The following PLOD1 variants were observed in gnomAD, a reference collection of about 807,000 sequenced individuals.
The protein encoded by PLOD1 is lysine hydroxylase.
PLOD1 carries 70 observed loss-of-function variants against 94.7 expected under a neutral mutation model. The ratio of observed to expected loss-of-function variants is 0.74; its 90% CI spans 0.61 to 0.90. PLOD1 has a LOEUF of 0.90. Ranked by LOEUF, PLOD1 falls within the 40% of genes least tolerant of loss-of-function variation. PLOD1 has a pLI of 0.00. For synonymous variants in PLOD1, 417 were observed against 400.2 expected (o/e 1.04, Z -0.50); for missense variants, 905 against 972.7 (o/e 0.93, Z 0.93).
At chr1:11,946,745 T>A (rs6697996) in intron 1 of PLOD1, among the ~76,000 whole-genome samples, 24 of 152,188 alleles carry the variant, frequency 1.6e-4, no homozygotes, top group African/African-American at 1.9e-4. Flanking sequence ...ACATGCTTCA[T>A]GACATGTTGG....
At chr1:11,934,994 G>T in intron 1 of PLOD1, 139 bp downstream of exon 1, 2 of 1,116,058 alleles carry the variant, frequency 1.8e-6, no homozygotes, top group South Asian at 1.6e-5. Flanking sequence ...CCACTTAATC[G>T]CTGGTGACTT....
chr1:11,936,633 G>A (rs973299368), intron 1 of PLOD1, among the ~76,000 whole-genome samples: 8 of 150,202 alleles, frequency 5.3e-5, no homozygotes, highest in African/African-American at 1.5e-4. Context: ...AGCAATTCTC[G>A]TGCGTCAGCC....
At chr1:11,935,917 C>T (rs145143692) in intron 1 of PLOD1, among the ~76,000 whole-genome samples, 30 of 151,940 alleles carry the variant, frequency 2.0e-4, no homozygotes, top group African/African-American at 7.2e-4. Flanking sequence ...GCCATCGCGC[C>T]CGGCCGGTTC....
chr1:11,951,773 G>A (rs1645704375), intron 4 of PLOD1, among the ~76,000 whole-genome samples: 1 of 151,414 alleles, frequency 6.6e-6, no homozygotes, highest in Admixed American at 6.6e-5. Flanking sequence ...CAAAAAATTA[G>A]CCAGGTGTGG....
chr1:11,963,745 T>A lies in PLOD1; in HGVS notation c.1202+109T>A. 2 of 723,594 alleles carry A rather than the reference T, an allele frequency of 2.8e-6. No individual in the cohort carries two copies. The highest frequency in any genetic ancestry group is 5.0e-6 in the Non-Finnish European group (2 of 398,454). The allele number at this position is 723,594 out of a possible 1,614,324, so 44.8% of individuals were successfully genotyped here. A position where few individuals can be genotyped will look rare whatever the true frequency, so the allele number is the denominator to read the frequency against. On this transcript the variant is annotated intron_variant, in intron 11 of 18. Coordinates refer to ENST00000196061, the MANE Select transcript of PLOD1 (RefSeq NM_000302.4). This position sits in a 1 kb window ranked among gnomAD's most constrained non-coding sequence, Gnocchi z 4.3. ...CTCCTCATCCACCTCCTCTTCCTCC[T>A]CTTTTTCCTTCTCCTGCTCCTCTTT...
chr1:11,961,443 A>G (rs1645777388), intron 10 of PLOD1, among the ~76,000 whole-genome samples: 1 of 152,210 alleles, frequency 6.6e-6, no homozygotes, highest in Non-Finnish European at 1.5e-5. Flanking sequence ...AGAGTCAGAC[A>G]GTCCAGATCA....
intron 5 of PLOD1, 192 bp from the exon 6 acceptor site, chr1:11,954,638 A>G (rs559939378): frequency 1.1e-4 from 84 of 772,004 alleles, no homozygotes; most frequent in South Asian, 1.1e-3. Flanking sequence ...GAGTAGAGCC[A>G]CTAGACTGTA....
chr1:11,967,044 G>A lies in PLOD1; in HGVS notation c.1708G>A (p.Val570Met), dbSNP rs370250187. The A allele has an allele frequency of 2.5e-6, 4 of 1,613,984 alleles. No individual in the cohort carries two copies. The African/African-American group carries it at 4.0e-5, about 16-fold the overall frequency. ...IFTEVACDELVEEMEHFGQWS... is the reference protein window; with the variant it reads ...IFTEVACDELMEEMEHFGQWS... ...CACGGAGGTGGCCTGTGATGAGCTG[G>A]TGGAGGAGATGGAGCACTTTGGCCA... is the stretch of plus-strand genomic sequence containing the variant. The change falls in exon 16 of 19, where the codon GTG (valine) becomes ATG (methionine). Residue 570 changes from valine (V) to methionine (M), a missense_variant. By Grantham distance (21) the Val-to-Met change is conservative. Transcript: ENST00000196061.
Position 11,963,148 on chromosome 1 carries a change from G to A in PLOD1, c.1098-384G>A, listed in dbSNP as rs1171362021. ...GCCAGAGTTTGACTCACAGACCCTCGTTTGCTGAGTCCTGTACCAGATAAA... is the reference window on the plus strand; with the variant it reads ...GCCAGAGTTTGACTCACAGACCCTCATTTGCTGAGTCCTGTACCAGATAAA... On this transcript the variant is annotated intron_variant, in intron 10 of 18. Transcript: ENST00000196061. This position sits in a 1 kb window ranked among gnomAD's most constrained non-coding sequence, Gnocchi z 4.3. Among the ~76,000 whole-genome samples the A allele has an allele frequency of 1.3e-5, 2 of 152,220 alleles. No homozygotes were observed. The highest frequency in any genetic ancestry group is 2.9e-5 in the Non-Finnish European group (2 of 68,038).
chr1:11,975,374 G>T lies in PLOD1; in HGVS notation c.*566G>T. 5.1e-6 allele frequency: 1 copy of T among 196,852 alleles called. No individual in the cohort carries two copies. Among genetic ancestry groups the T allele is most frequent in the Non-Finnish European group, 1.1e-5 (1 of 94,428 alleles). 12.2% of individuals were successfully genotyped at this position (196,852 alleles called of 1,614,324 possible). On this transcript the variant is annotated 3_prime_UTR_variant, in exon 19 of 19. Transcript: ENST00000196061. ...GACAGCGACTCCAGAGAACCTCTTG[G>T]GAGACAGAAGAGGCATCTGTGCACA... is the stretch of plus-strand genomic sequence containing the variant.
rs78416567 is a variant in PLOD1 at position 11,965,731 on chromosome 1, G to C, written c.1584+138G>C. 1,909 of 635,670 alleles carry C rather than the reference G, an allele frequency of 3.0e-3. 25 individuals carry two copies. In the African/African-American group the frequency reaches 0.031, roughly 10 times the overall value. The allele number at this position is 635,670 out of a possible 1,614,324, so 39.4% of individuals were successfully genotyped here. On this transcript the variant is annotated intron_variant, in intron 14 of 18. Coordinates refer to ENST00000196061, the MANE Select transcript of PLOD1 (RefSeq NM_000302.4). Reference sequence around the variant, plus strand: ...TGCCACCCTCCCTTCACCCCAGGAGGCTATAGGGCAGGATTTGGGTAGGGA... The same window carrying C: ...TGCCACCCTCCCTTCACCCCAGGAGCCTATAGGGCAGGATTTGGGTAGGGA...
chr1:11,935,120 C>T (rs1645569385), intron 1 of PLOD1, among the ~76,000 whole-genome samples: 1 of 152,250 alleles, frequency 6.6e-6, no homozygotes, highest in Non-Finnish European at 1.5e-5. Context: ...ATAATAATAA[C>T]CGACAATGGC....
chr1:11,964,435 C>G, intron 12 of PLOD1, 135 bp downstream of exon 12: 1 of 1,024,628 alleles, frequency 9.8e-7, no homozygotes, highest in Non-Finnish European at 1.5e-6. Flanking sequence ...AGGAAGACTT[C>G]AGTTAGACAC....
rs555034048 is a variant in PLOD1 at position 11,965,520 on chromosome 1, A to G, written c.1511A>G (p.His504Arg). 4 of 1,613,770 alleles carry G rather than the reference A, an allele frequency of 2.5e-6. No individual in the cohort carries two copies. Among genetic ancestry groups the G allele is most frequent in the East Asian group, 4.5e-5 (2 of 44,880 alleles). The change falls in exon 14 of 19, where the codon CAT becomes CGT. Residue 504 changes from histidine to arginine, a missense_variant. By Grantham distance (29) the His-to-Arg change is conservative. Transcript: ENST00000196061. ...CTGACCAACCGGCACACCCTTGGCCATCTGCTCTCCCTAGACAGCTACCGC... is the reference window on the plus strand; with the variant it reads ...CTGACCAACCGGCACACCCTTGGCCGTCTGCTCTCCCTAGACAGCTACCGC... ...MFLTNRHTLG[H>R]LLSLDSYRTT...
chr1:11,952,871 G>A (rs1443877783), intron 5 of PLOD1, 136 bp downstream of exon 5: 2 of 637,496 alleles, frequency 3.1e-6, no homozygotes, highest in South Asian at 1.7e-5. Flanking sequence ...AACTGCCATA[G>A]GCTGGGTGGC....
intron 14 of PLOD1, 77 bp downstream of exon 14, chr1:11,965,670 A>C: frequency 1.1e-6 from 1 of 893,960 alleles, no homozygotes; most frequent in Non-Finnish European, 1.9e-6. Flanking sequence ...CTTCCCTCTC[A>C]GAGTCTTACA....
At position 11,964,198 on chromosome 1, in the gene PLOD1, C is replaced by A; in HGVS notation, c.1226C>A (p.Thr409Asn). The A allele has an allele frequency of 6.2e-7, 1 of 1,613,888 alleles. No individual in the cohort carries two copies. Among genetic ancestry groups the A allele is most frequent in the South Asian group, 1.1e-5 (1 of 91,076 alleles). The change falls in exon 12 of 19, where the codon ACC becomes AAC. Residue 409 changes from threonine (T) to asparagine (N), a missense_variant. Thr to Asn is a moderately conservative substitution (Grantham distance 65). Coordinates refer to ENST00000196061, the MANE Select transcript of PLOD1 (RefSeq NM_000302.4). Reference protein sequence around the residue: ...QNKNVIAPLMTRHGRLWSNFW... With the variant: ...QNKNVIAPLMNRHGRLWSNFW... ...AGGAACGTCATTGCCCCGCTGATGA[C>A]CCGGCATGGGAGGCTGTGGTCGAAC...
intron 1 of PLOD1, chr1:11,944,597 C>A: frequency 7.3e-7 from 1 of 1,363,668 alleles, no homozygotes; most frequent in South Asian, 1.1e-5. Flanking sequence ...ACCGTCCTGG[C>A]AGGAGCTCGG....
intron 1 of PLOD1, among the ~76,000 whole-genome samples, chr1:11,946,794 A>C (rs1370975522): frequency 6.6e-6 from 1 of 152,152 alleles, no homozygotes; most frequent in Non-Finnish European, 1.5e-5. Context: ...GTAAAGAAGT[A>C]CCCGTGGCTG....
Sources: allele counts gnomAD v4.1 joint callset (sites outside exome capture counted in the v4.1 genomes callset), GRCh38; gene constraint gnomAD v4.1.1; non-coding constraint Gnocchi (gnomAD v3.1); transcripts MANE v1.5; gene names NCBI Gene and HGNC (gene_info 2026-07-23, HGNC 2026-07-21).